The following ATXN7L1 variants were observed in gnomAD, a reference collection of about 807,000 sequenced individuals.
ATXN7L1 encodes the protein ataxin 7 like 1.
A neutral mutation model predicts 70.8 loss-of-function variants in ATXN7L1; 15 were observed. The observed-to-expected ratio is 0.21, with a 90% CI of 0.14 to 0.33. ATXN7L1 has a LOEUF of 0.33. ATXN7L1 is among the 10% of genes least tolerant of loss of function. The pLI is 1.00. For synonymous variants in ATXN7L1, 440 were observed against 445.1 expected, an observed-to-expected ratio of 0.99 and a Z score of 0.14; for missense variants, 975 against 1,097.1, an observed-to-expected ratio of 0.89 and a Z score of 1.57.
intron 4 of ATXN7L1, among the ~76,000 whole-genome samples, chr7:105,661,401 G>A (rs1406228528): frequency 6.6e-6 from 1 of 152,174 alleles, no homozygotes; most frequent in Non-Finnish European, 1.5e-5. Context: ...TTTGTAGAGG[G>A]TCCGTTATGT....
At chr7:105,668,454 G>A (rs1584627833) in intron 3 of ATXN7L1, among the ~76,000 whole-genome samples, 1 of 152,124 alleles carries the variant, frequency 6.6e-6, no homozygotes, top group Non-Finnish European at 1.5e-5. Context: ...CTGGAGTGCA[G>A]TGGCAGGATC....
intron 3 of ATXN7L1, among the ~76,000 whole-genome samples, chr7:105,736,407 CCTT>C (rs1293931251): frequency 6.6e-6 from 1 of 152,200 alleles, no homozygotes; most frequent in African/African-American, 2.4e-5. Flanking sequence ...GTTTTCCTGG[CCTT>C]CTTTTGCAGC....
At chr7:105,711,832 G>T (rs142981511) in intron 3 of ATXN7L1, among the ~76,000 whole-genome samples, 18 of 152,368 alleles carry the variant, frequency 1.2e-4, no homozygotes, top group African/African-American at 3.8e-4. Context: ...CAATGCCCCA[G>T]TGCGGACTTT....
chr7:105,743,262 C>T (rs1482476585), intron 3 of ATXN7L1, among the ~76,000 whole-genome samples: 2 of 152,196 alleles, frequency 1.3e-5, no homozygotes, highest in Non-Finnish European at 2.9e-5. Flanking sequence ...AGAATGATTA[C>T]ATATCTGTGC....
At position 105,614,414 on chromosome 7, in the gene ATXN7L1, T is replaced by C. The variant is rs773441631; in HGVS notation, c.1920A>G (p.Pro640=). The C allele has an allele frequency of 7.1e-6, 11 of 1,551,328 alleles. No homozygotes were observed. Among genetic ancestry groups the C allele is most frequent in the Middle Eastern group, 1.7e-4 (1 of 6,012 alleles). The part of the protein sequence containing the change: ...KDLSTRSDES[P]SNKKRKPQSS... ...ACTGTGGCTTCCTTTTTTTGTTACTTGGAGACTCGTCGCTACGGGTGGACA... is the reference window on the plus strand; with the variant it reads ...ACTGTGGCTTCCTTTTTTTGTTACTCGGAGACTCGTCGCTACGGGTGGACA... The change falls in exon 10 of 12, where the codon CCA becomes CCG. Residue 640 remains proline, a synonymous_variant. Transcript: ENST00000419735. The surrounding 1 kb of genome is among the most constrained non-coding windows in gnomAD (Gnocchi z 4.3).
At chr7:105,653,943 G>C (rs903239926) in intron 4 of ATXN7L1, among the ~76,000 whole-genome samples, 1 of 152,226 alleles carries the variant, frequency 6.6e-6, no homozygotes, top group East Asian at 1.9e-4. Flanking sequence ...CCCAGTGCCT[G>C]CTGTTCCTTC....
In ATXN7L1 at chr7:105,607,069, T is replaced by C. The variant is rs933660504; in HGVS notation, c.*783A>G. On this transcript the variant is annotated 3_prime_UTR_variant, in exon 12 of 12. Coordinates refer to ENST00000419735, the MANE Select transcript of ATXN7L1 (RefSeq NM_020725.2). ...CCACAGTCTCCAGTTTTTTTAGGGA[T>C]CATCTCCTACCCACCATGCTCTGCT... 1 of 152,524 alleles carries C rather than the reference T, an allele frequency of 6.6e-6. No individual in the cohort carries two copies. Among genetic ancestry groups the C allele is most frequent in the African/African-American group, 2.4e-5 (1 of 41,414 alleles). 9.4% of individuals were successfully genotyped at this position (152,524 alleles called of 1,614,324 possible).
At chr7:105,661,801 G>A (rs899751259) in intron 4 of ATXN7L1, among the ~76,000 whole-genome samples, 2 of 152,162 alleles carry the variant, frequency 1.3e-5, no homozygotes, top group Non-Finnish European at 2.9e-5. Context: ...TTAGGAGACC[G>A]CTGCAGTCCA....
At chr7:105,687,318 T>G (rs1325398839) in intron 3 of ATXN7L1, among the ~76,000 whole-genome samples, 1 of 152,206 alleles carries the variant, frequency 6.6e-6, no homozygotes, top group African/African-American at 2.4e-5. Flanking sequence ...CACTTCAGAC[T>G]TCATATGTTG....
chr7:105,874,327 G>A (rs1818713598), intron 2 of ATXN7L1, among the ~76,000 whole-genome samples: 1 of 152,036 alleles, frequency 6.6e-6, no homozygotes, highest in Non-Finnish European at 1.5e-5. Context: ...GATTTCCACA[G>A]CCTCATCATC....
intron 2 of ATXN7L1, among the ~76,000 whole-genome samples, chr7:105,851,479 A>G (rs1174668665): frequency 6.6e-6 from 1 of 152,150 alleles, no homozygotes; most frequent in Admixed American, 6.5e-5. Context: ...AACACCAATC[A>G]TGTCAATAGG....
intron 10 of ATXN7L1, among the ~76,000 whole-genome samples, chr7:105,612,595 C>T (rs1341637470): frequency 6.6e-6 from 1 of 152,142 alleles, no homozygotes; most frequent in Admixed American, 6.5e-5. Flanking sequence ...CCAGGGAGAG[C>T]CCTGTGGGTG....
chr7:105,717,709 C>T (rs558694941), intron 3 of ATXN7L1, among the ~76,000 whole-genome samples: 2 of 152,254 alleles, frequency 1.3e-5, no homozygotes, highest in African/African-American at 4.8e-5. Context: ...TTCCTCATGA[C>T]CACTGGGTAT....
At chr7:105,619,031 T>C (rs754795350) in intron 9 of ATXN7L1, among the ~76,000 whole-genome samples, 6 of 151,728 alleles carry the variant, frequency 4.0e-5, no homozygotes, top group Non-Finnish European at 8.8e-5. Context: ...CTTAACCAAC[T>C]TCACAGCATT....
intron 2 of ATXN7L1, among the ~76,000 whole-genome samples, chr7:105,797,892 T>G (rs1038787057): frequency 6.6e-6 from 1 of 152,216 alleles, no homozygotes; most frequent in Admixed American, 6.5e-5. Context: ...TTATCGCCCT[T>G]CCTATCTCCA....
At chr7:105,731,748 A>AAAAAG (rs534062694) in intron 3 of ATXN7L1, among the ~76,000 whole-genome samples, 2,211 of 106,914 alleles carry the variant, frequency 0.021, 54 homozygotes, top group African/African-American at 0.041. Context: ...CTTACTCCTT[A>AAAAAG]AAAAGAAAAG....
rs1028048010 is a variant in ATXN7L1, at chr7:105,794,448, C to T, written c.251-5740G>A. ...ACACGATGGAAATCGGCATCCACTA[C>T]AAACCAGGACTTCTTCCCGCAGAGA... On this transcript the variant is annotated intron_variant, in intron 2 of 11. Coordinates refer to ENST00000419735, the MANE Select transcript of ATXN7L1 (RefSeq NM_020725.2). Among the ~76,000 whole-genome samples the T allele has an allele frequency of 5.3e-5, 8 of 152,234 alleles. No individual in the cohort carries two copies. In the East Asian group the frequency reaches 5.8e-4, roughly 11 times the overall value.
chr7:105,823,991 G>A (rs1222495362), intron 2 of ATXN7L1, among the ~76,000 whole-genome samples: 1 of 152,150 alleles, frequency 6.6e-6, no homozygotes, highest in African/African-American at 2.4e-5. Context: ...CAGACCAGGG[G>A]ACAGGAGGCA....
intron 7 of ATXN7L1, 71 bp downstream of exon 7, chr7:105,638,282 C>T: frequency 3.4e-6 from 5 of 1,472,030 alleles, no homozygotes; most frequent in Non-Finnish European, 4.5e-6. Context: ...AATCAGACCA[C>T]ATGCCACAGA....
Sources: gnomAD v4.1 joint callset for allele counts (sites outside exome capture counted in the v4.1 genomes callset) on GRCh38, gnomAD v4.1.1 for gene constraint, Gnocchi (gnomAD v3.1) non-coding constraint, MANE v1.5 for transcripts, NCBI Gene and HGNC (gene_info 2026-07-23, HGNC 2026-07-21) for gene names.